CSMD1: variants seen among roughly 807,000 people sequenced by gnomAD.
CSMD1 encodes the protein CUB and sushi domain-containing protein 1.
CSMD1 carries 213 observed loss-of-function variants against 417.5 expected under a neutral mutation model. The observed-to-expected ratio is 0.51, with a 90% CI of 0.46 to 0.57. The LOEUF (loss-of-function observed/expected upper bound fraction) is 0.57. Ranked by LOEUF, CSMD1 falls within the 20% of genes least tolerant of loss-of-function variation. CSMD1 has a pLI of 0.00. For missense variants in CSMD1, 6,923 were observed against 4,529.7 expected, an observed-to-expected ratio of 1.53 and a Z score of -15.17; for synonymous variants, 2,862 against 1,736.8, an observed-to-expected ratio of 1.65 and a Z score of -16.11.
intron 26 of CSMD1, among the ~76,000 whole-genome samples, chr8:3,276,804 G>A (rs762635533): frequency 6.6e-6 from 1 of 152,026 alleles, no homozygotes; most frequent in Non-Finnish European, 1.5e-5. Context: ...ATTTATGCAC[G>A]TGGAAAATTT....
chr8:4,510,057 G>C (rs919868177), intron 2 of CSMD1, among the ~76,000 whole-genome samples: 1 of 152,116 alleles, frequency 6.6e-6, no homozygotes, highest in Non-Finnish European at 1.5e-5. Flanking sequence ...CTTGGGGGTA[G>C]GTCTTTCTCA....
chr8:3,294,043 C>G (rs963256343), intron 25 of CSMD1, among the ~76,000 whole-genome samples: 1 of 152,144 alleles, frequency 6.6e-6, no homozygotes, highest in African/African-American at 2.4e-5. Flanking sequence ...TTCCTTCTAA[C>G]AGTCAGGACC....
intron 3 of CSMD1, among the ~76,000 whole-genome samples, chr8:4,201,953 C>G (rs1037822274): frequency 6.7e-6 from 1 of 149,666 alleles, no homozygotes; most frequent in Non-Finnish European, 1.5e-5. Flanking sequence ...ACCACAAAAA[C>G]CCTGAGACAG....
intron 2 of CSMD1, among the ~76,000 whole-genome samples, chr8:4,564,579 A>G (rs1206606416): frequency 1.3e-5 from 2 of 152,222 alleles, no homozygotes; most frequent in Non-Finnish European, 2.9e-5. Context: ...CTGATAATCA[A>G]TACAGAGAAA....
chr8:4,946,408 T>C (rs1343496143), intron 1 of CSMD1, among the ~76,000 whole-genome samples: 2 of 152,182 alleles, frequency 1.3e-5, no homozygotes, highest in Non-Finnish European at 2.9e-5. Context: ...TCATCGGTCA[T>C]TGTCCATGAA....
chr8:3,698,105 C>T (rs997464963), intron 7 of CSMD1, among the ~76,000 whole-genome samples: 1 of 151,960 alleles, frequency 6.6e-6, no homozygotes, highest in African/African-American at 2.4e-5. Context: ...ATTGATGAAA[C>T]ATCTTGTTTT....
chr8:3,525,194 C>A (rs896604969), intron 10 of CSMD1, among the ~76,000 whole-genome samples: 3 of 152,104 alleles, frequency 2.0e-5, no homozygotes, highest in Non-Finnish European at 4.4e-5. Context: ...GAGACTCAGC[C>A]GTCAGAAATC....
At chr8:4,710,683 A>T (rs948917583) in intron 1 of CSMD1, among the ~76,000 whole-genome samples, 4 of 151,426 alleles carry the variant, frequency 2.6e-5, no homozygotes, top group Non-Finnish European at 5.9e-5. Flanking sequence ...GTCTCTACTA[A>T]AAATACAAAA....
chr8:3,169,887 G>C (rs1411441286), intron 37 of CSMD1, among the ~76,000 whole-genome samples: 1 of 152,160 alleles, frequency 6.6e-6, no homozygotes, highest in Non-Finnish European at 1.5e-5. Context: ...CCTGATGTGA[G>C]AATGGGCTGG....
At chr8:3,640,244 T>C (rs1437821087) in intron 7 of CSMD1, among the ~76,000 whole-genome samples, 1 of 152,148 alleles carries the variant, frequency 6.6e-6, no homozygotes, top group Non-Finnish European at 1.5e-5. Flanking sequence ...AATAAATAAA[T>C]AAAGATCAAA....
chr8:4,444,307 A>C (rs1458138030), intron 2 of CSMD1, among the ~76,000 whole-genome samples: 1 of 133,866 alleles, frequency 7.5e-6, no homozygotes, highest in Non-Finnish European at 1.6e-5. Context: ...AGATCTCGCG[A>C]CTTCACTCAA....
chr8:4,813,706 A>G (rs1486530047), intron 1 of CSMD1, among the ~76,000 whole-genome samples: 1 of 152,208 alleles, frequency 6.6e-6, no homozygotes, highest in Non-Finnish European at 1.5e-5. Context: ...AATCCTCAGT[A>G]ATTCAAGATG....
intron 3 of CSMD1, among the ~76,000 whole-genome samples, chr8:4,136,691 C>A (rs1368387391): frequency 1.3e-5 from 2 of 152,164 alleles, no homozygotes; most frequent in African/African-American, 4.8e-5. Flanking sequence ...TGTGAGTCTT[C>A]AGAGACTACG....
chr8:4,619,691 C>T (rs2616973), intron 2 of CSMD1, among the ~76,000 whole-genome samples: 1 of 151,924 alleles, frequency 6.6e-6, no homozygotes, highest in African/African-American at 2.4e-5. Flanking sequence ...CTAAAAAAGA[C>T]TTTTGAAGCT....
intron 3 of CSMD1, among the ~76,000 whole-genome samples, chr8:4,233,908 A>C (rs890923054): frequency 6.6e-6 from 1 of 151,868 alleles, no homozygotes; most frequent in African/African-American, 2.4e-5. Flanking sequence ...TGGATGAACC[A>C]ATGTCACCCT....
chr8:3,196,428 G>A (rs1422333460), intron 33 of CSMD1, among the ~76,000 whole-genome samples: 1 of 152,064 alleles, frequency 6.6e-6, no homozygotes, highest in East Asian at 1.9e-4. Flanking sequence ...TAATAAACTT[G>A]TTTTTACTTT....
intron 3 of CSMD1, among the ~76,000 whole-genome samples, chr8:4,326,461 A>G (rs1232042413): frequency 2.0e-5 from 3 of 152,258 alleles, no homozygotes; most frequent in Non-Finnish European, 2.9e-5. Context: ...GAATGCATAT[A>G]TGCTTGACAT....
Position 4,773,920 on chromosome 8 carries a change from G to C in CSMD1, c.86-136362C>G, listed in dbSNP as rs544715306. Among the ~76,000 whole-genome samples the C allele has an allele frequency of 3.9e-5, 6 of 152,326 alleles. 1 individual carries two copies. In the East Asian group the frequency reaches 7.7e-4, roughly 20 times the overall value. On this transcript the variant is annotated intron_variant, in intron 1 of 69. Coordinates refer to ENST00000635120, the MANE Select transcript of CSMD1 (RefSeq NM_033225.6). The stretch of plus-strand genomic sequence containing the variant: ...ACACAAAAATCCTACTCTTGGCTGG[G>C]TGCAGTGGCTCACGCCTGAAATCTC...
Position 4,031,887 on chromosome 8 carries a change from C to T in CSMD1, c.610+18G>A, listed in dbSNP as rs1398863552. On this transcript the variant is annotated intron_variant, in intron 4 of 69. Coordinates refer to ENST00000635120, the MANE Select transcript of CSMD1 (RefSeq NM_033225.6). ...CCTGCCCTGGAGTCTGCTCACCAGC[C>T]CCCTTGTAGCACTGTACCTCTGCAA... is the stretch of plus-strand genomic sequence containing the variant. 6.3e-7 allele frequency: 1 copy of T among 1,587,608 alleles called. No homozygotes were observed. Among genetic ancestry groups the T allele is most frequent in the Non-Finnish European group, 8.6e-7 (1 of 1,162,910 alleles).
Sources: allele counts gnomAD v4.1 joint callset (sites outside exome capture counted in the v4.1 genomes callset), GRCh38; gene constraint gnomAD v4.1.1; transcripts MANE v1.5; gene names NCBI Gene and HGNC (gene_info 2026-07-23, HGNC 2026-07-21).